Variants in SMAD5 observed in about 807,000 individuals in gnomAD.
SMAD5 encodes MAD, mothers against decapentaplegic homolog 5.
A neutral mutation model predicts 43.1 loss-of-function variants in SMAD5; 9 were observed. The observed-to-expected ratio is 0.21, with a 90% confidence interval of 0.13 to 0.36. SMAD5 has a LOEUF of 0.36. Ranked by LOEUF, SMAD5 falls within the 10% of genes least tolerant of loss-of-function variation. SMAD5 has a pLI of 1.00. For synonymous variants in SMAD5, 190 were observed against 192.4 expected (o/e 0.99, Z 0.10); for missense variants, 348 against 574.0 (o/e 0.61, Z 4.02).
At position 136,182,191 on chromosome 5, in the gene SMAD5, A is replaced by T. The variant is rs1754650410; in HGVS notation, c.*4711A>T. On this transcript the variant is annotated 3_prime_UTR_variant, in exon 8 of 8. Coordinates refer to ENST00000545279, the MANE Select transcript of SMAD5 (RefSeq NM_005903.7). ...ATTAATACAGACTGGTGTTAGCTAT[A>T]ACAAAACTCCAGTAAGGCCAAAGAA... is the stretch of plus-strand genomic sequence containing the variant. 1 of 152,006 alleles carries T rather than the reference A, an allele frequency of 6.6e-6. No homozygotes were observed. The highest frequency in any genetic ancestry group is 1.5e-5 in the Non-Finnish European group (1 of 67,998). The allele number at this position is 152,006 out of a possible 1,614,324, so 9.4% of individuals were successfully genotyped here.
chr5:136,136,799 G>GATTCTCCT (rs1306546170), intron 1 of SMAD5, among the ~76,000 whole-genome samples: 1 of 151,598 alleles, frequency 6.6e-6, no homozygotes, highest in African/African-American at 2.4e-5. Context: ...GGCTTCAAGC[G>GATTCTCCT]ATTCTCCTGC....
rs1753801466 is a variant in SMAD5, at chr5:136,160,901, A to T, written c.449A>T (p.Gln150Leu). ...LVPRHNEFNP[Q>L]HSLLVQFRNL... The stretch of plus-strand genomic sequence containing the variant: ...CCTCGTCATAATGAATTCAATCCAC[A>T]ACACAGCCTTCTGGTTCAGTTTAGG... Residue 150 changes from glutamine (Q) to leucine (L), a missense_variant, in exon 4 of 8, where the codon CAA (glutamine) becomes CTA (leucine). Physicochemically the swap from Gln to Leu is moderately radical, Grantham distance 113. Transcript: ENST00000545279. The T allele has an allele frequency of 6.2e-7, 1 of 1,613,846 alleles. No homozygotes were observed. Among genetic ancestry groups the T allele is most frequent in the African/African-American group, 1.3e-5 (1 of 74,914 alleles).
chr5:136,174,314 G>C, intron 6 of SMAD5, 62 bp from the exon 7 acceptor site: 1 of 1,514,352 alleles, frequency 6.6e-7, no homozygotes, highest in South Asian at 1.1e-5. Flanking sequence ...GCACCATACA[G>C]TCTATTTGGT....
Position 136,176,048 on chromosome 5 carries a change from G to T in SMAD5, c.1255-1289G>T, listed in dbSNP as rs1754404078. 5.9e-5 allele frequency among the ~76,000 whole-genome samples: 9 copies of T among 152,106 alleles called. No homozygotes were observed. The South Asian group carries it at 1.9e-3, about 32-fold the overall frequency. ...CATCCCAGTAATTTCCAACCTTAAA[G>T]GATAATCACTATGTGACTGCCACAT... is the stretch of plus-strand genomic sequence containing the variant. On this transcript the variant is annotated intron_variant, in intron 7 of 7. Transcript: ENST00000545279.
chr5:136,165,768 G>A (rs1442246216), intron 5 of SMAD5, among the ~76,000 whole-genome samples: 1 of 136,046 alleles, frequency 7.4e-6, no homozygotes, highest in African/African-American at 2.7e-5. Context: ...TTCTTTTTAA[G>A]GTTGAGTAAT....
Position 136,153,982 on chromosome 5 carries a change from A to G in SMAD5, c.222A>G (p.Gly74=), listed in dbSNP as rs1224303448. The change falls in exon 3 of 8, where the codon GGA becomes GGG. Residue 74 remains glycine (G), a synonymous_variant. Coordinates refer to ENST00000545279, the MANE Select transcript of SMAD5 (RefSeq NM_005903.7). ...TCACTATTCCCAGATCTTTAGATGGACGCCTGCAGGTTTCTCACAGAAAAG... is the reference window on the plus strand; with the variant it reads ...TCACTATTCCCAGATCTTTAGATGGGCGCCTGCAGGTTTCTCACAGAAAAG... ...KCVTIPRSLD[G]RLQVSHRKGL... is the part of the protein sequence containing the mutation. The G allele has an allele frequency of 1.9e-6, 3 of 1,610,246 alleles. No individual in the cohort carries two copies. The highest frequency in any genetic ancestry group is 1.7e-5 in the Admixed American group (1 of 59,310).
chr5:136,150,105 G>C (rs943808245), intron 2 of SMAD5, among the ~76,000 whole-genome samples: 3 of 151,460 alleles, frequency 2.0e-5, no homozygotes, highest in Admixed American at 6.6e-5. Context: ...AACAGTGAAT[G>C]TTTCGTAATA....
At chr5:136,167,414 C>T (rs1410143168) in intron 5 of SMAD5, among the ~76,000 whole-genome samples, 1 of 152,054 alleles carries the variant, frequency 6.6e-6, no homozygotes, top group Non-Finnish European at 1.5e-5. Context: ...ATTTTCCTCT[C>T]TTTCTTCTCA....
At position 136,181,672 on chromosome 5, in the gene SMAD5, G is replaced by C. The variant is rs1205630341; in HGVS notation, c.*4192G>C. On this transcript the variant is annotated 3_prime_UTR_variant, in exon 8 of 8. Coordinates refer to ENST00000545279, the MANE Select transcript of SMAD5 (RefSeq NM_005903.7). Reference sequence around the variant, plus strand: ...TCTGCATAAACAAAGAATTCTACCTGCTGGACAGAAACCTGGAAAGTTCTT... The same window carrying C: ...TCTGCATAAACAAAGAATTCTACCTCCTGGACAGAAACCTGGAAAGTTCTT... 6.6e-6 allele frequency: 1 copy of C among 152,170 alleles called. No individual in the cohort carries two copies. The highest frequency in any genetic ancestry group is 1.5e-5 in the Non-Finnish European group (1 of 68,014). 9.4% of individuals were successfully genotyped at this position (152,170 alleles called of 1,614,324 possible).
intron 1 of SMAD5, among the ~76,000 whole-genome samples, chr5:136,136,378 A>G (rs1233116499): frequency 1.3e-5 from 2 of 152,064 alleles, no homozygotes; most frequent in African/African-American, 2.4e-5. Context: ...GTGTTTCACC[A>G]TGTTCGCCAG....
chr5:136,133,961 T>TGAG (rs1185196190), intron 1 of SMAD5: 2 of 140,966 alleles, frequency 1.4e-5, no homozygotes, highest in Non-Finnish European at 3.0e-5. Context: ...AGCCTGTAGG[T>TGAG]GAGGAATGGC....
At position 136,179,846 on chromosome 5, in the gene SMAD5, CAA is replaced by C. The variant is rs1754562738; in HGVS notation, c.*2367_*2368del. ...CAATTGAATGACTGATGTATGTAATCAACTTCATTGGGCTGCAGTAAACTAGT... is the reference window on the plus strand; with the variant it reads ...CAATTGAATGACTGATGTATGTAATCCTTCATTGGGCTGCAGTAAACTAGT... On this transcript the variant is annotated 3_prime_UTR_variant, in exon 8 of 8. Transcript: ENST00000545279. The C allele has an allele frequency of 6.6e-6, 1 of 152,164 alleles. No individual in the cohort carries two copies. Among genetic ancestry groups the C allele is most frequent in the African/African-American group, 2.4e-5 (1 of 41,434 alleles). The allele number at this position is 152,164 out of a possible 1,614,324, so 9.4% of individuals were successfully genotyped here.
intron 5 of SMAD5, among the ~76,000 whole-genome samples, chr5:136,171,498 A>C (rs1166590115): frequency 1.3e-5 from 2 of 152,220 alleles, no homozygotes; most frequent in African/African-American, 4.8e-5. Flanking sequence ...AAAGAGGTTT[A>C]TTCTCCAGCC....
chr5:136,178,745 T>G lies in SMAD5; in HGVS notation c.*1265T>G, dbSNP rs1239035414. ...TGATACTAAATGAATCAGCAGTGGA[T>G]GTAGGGATAGCTGATTTTAAAACAC... On this transcript the variant is annotated 3_prime_UTR_variant, in exon 8 of 8. Coordinates refer to ENST00000545279, the MANE Select transcript of SMAD5 (RefSeq NM_005903.7). The G allele has an allele frequency of 2.0e-5, 3 of 152,334 alleles. No individual in the cohort carries two copies. The highest frequency in any genetic ancestry group is 1.3e-4 in the Admixed American group (2 of 15,302). The allele number at this position is 152,334 out of a possible 1,614,324, so 9.4% of individuals were successfully genotyped here. A position where few individuals can be genotyped will look rare whatever the true frequency, so the allele number is the denominator to read the frequency against.
intron 1 of SMAD5, chr5:136,135,034 T>G (rs1245866660): frequency 3.3e-5 from 5 of 152,196 alleles, no homozygotes; most frequent in African/African-American, 4.8e-5. Context: ...TTTTCGTAGG[T>G]TCTGTACAGA....
In SMAD5 at chr5:136,182,418, C is replaced by T. The variant is rs754779762; in HGVS notation, c.*4938C>T. The T allele has an allele frequency of 3.3e-5, 5 of 152,218 alleles. No homozygotes were observed. Among genetic ancestry groups the T allele is most frequent in the South Asian group, 2.1e-4 (1 of 4,820 alleles). 9.4% of individuals were successfully genotyped at this position (152,218 alleles called of 1,614,324 possible). A position where few individuals can be genotyped will look rare whatever the true frequency, so the allele number is the denominator to read the frequency against. ...TTTTGAAATTCACTTATTTTAAAAT[C>T]GAAGAGGATTGTAATCATGGAAATA... is the stretch of plus-strand genomic sequence containing the variant. On this transcript the variant is annotated 3_prime_UTR_variant, in exon 8 of 8. Transcript: ENST00000545279.
intron 5 of SMAD5, among the ~76,000 whole-genome samples, chr5:136,169,065 C>A (rs1382999868): frequency 1.3e-5 from 2 of 152,170 alleles, no homozygotes; most frequent in African/African-American, 4.8e-5. Context: ...AGGGGTGGAT[C>A]AGTCCAAGCC....
rs533686492 is a variant in SMAD5 at position 136,133,174 on chromosome 5, T to A, written c.-245+212T>A. The stretch of plus-strand genomic sequence containing the variant: ...CAGCGGCTGCGGAGGCCTCGCTGGC[T>A]GCCCGGGGCGTCCTGAGGCGGGGCC... On this transcript the variant is annotated intron_variant, in intron 1 of 7. Transcript: ENST00000545279. 2.0e-5 allele frequency: 3 copies of A among 152,534 alleles called. No homozygotes were observed. The East Asian group carries it at 5.8e-4, about 29-fold the overall frequency. 9.4% of individuals were successfully genotyped at this position (152,534 alleles called of 1,614,324 possible). A position where few individuals can be genotyped will look rare whatever the true frequency, so the allele number is the denominator to read the frequency against.
chr5:136,167,890 C>T (rs1754075745), intron 5 of SMAD5, among the ~76,000 whole-genome samples: 1 of 150,454 alleles, frequency 6.6e-6, no homozygotes, highest in South Asian at 2.1e-4. Context: ...TTTTTTGAGA[C>T]GGAATCTCGC....
Sources: allele counts gnomAD v4.1 joint callset (sites outside exome capture counted in the v4.1 genomes callset), GRCh38; gene constraint gnomAD v4.1.1; transcripts MANE v1.5; gene names NCBI Gene and HGNC (gene_info 2026-07-23, HGNC 2026-07-21).